Variants in CNTNAP2 observed in about 807,000 individuals in gnomAD.
The protein encoded by CNTNAP2 is contactin-associated protein-like 2.
Under a neutral mutation model 155.2 loss-of-function variants are expected in CNTNAP2, and 98 were observed. The ratio of observed to expected loss-of-function variants is 0.63; its 90% confidence interval spans 0.54 to 0.75. The LOEUF (loss-of-function observed/expected upper bound fraction) is 0.75, where lower values mean the gene tolerates loss of function less well. CNTNAP2 is among the 30% of genes least tolerant of loss of function. The pLI, the probability that CNTNAP2 is intolerant of heterozygous loss-of-function variation, is 0.00. For missense variants in CNTNAP2, 1,727 were observed against 1,688.1 expected, an observed-to-expected ratio of 1.02 and a Z score of -0.40; for synonymous variants, 651 against 631.2, an observed-to-expected ratio of 1.03 and a Z score of -0.47.
chr7:147,345,767 T>C (rs1370696150), intron 9 of CNTNAP2, among the ~76,000 whole-genome samples: 1 of 152,220 alleles, frequency 6.6e-6, no homozygotes, highest in Non-Finnish European at 1.5e-5. Context: ...AGGAACTATA[T>C]TCAGATTATT....
In CNTNAP2 at chr7:147,395,591, A is replaced by G. The variant is rs765446694; in HGVS notation, c.1499-18A>G. 2 of 1,610,750 alleles carry G rather than the reference A, an allele frequency of 1.2e-6. No homozygotes were observed. Among genetic ancestry groups the G allele is most frequent in the Middle Eastern group, 1.7e-4 (1 of 6,030 alleles). ...TACTGTACACCAGATTTACATTCCC[A>G]TTTCTTCTGTTTCACAGGTTTTCTG... On this transcript the variant is annotated intron_variant, in intron 9 of 23. Coordinates refer to ENST00000361727, the MANE Select transcript of CNTNAP2 (RefSeq NM_014141.6).
intron 8 of CNTNAP2, among the ~76,000 whole-genome samples, chr7:147,295,239 ATGCGTGTGTACCCATG>A (rs1290873694): frequency 6.7e-6 from 1 of 150,260 alleles, no homozygotes; most frequent in Admixed American, 6.7e-5. Flanking sequence ...GTGTGTGCGC[ATGCGTGTGTACCCATG>A]TGTGTGTGTG....
intron 1 of CNTNAP2, among the ~76,000 whole-genome samples, chr7:146,636,156 T>G (rs1011131447): frequency 2.2e-5 from 3 of 133,436 alleles, no homozygotes; most frequent in African/African-American, 2.9e-5. Flanking sequence ...AGGGGAGAGG[T>G]GGACTACAGC....
At chr7:146,579,800 CAT>C (rs1798583204) in intron 1 of CNTNAP2, among the ~76,000 whole-genome samples, 1 of 152,102 alleles carries the variant, frequency 6.6e-6, no homozygotes, top group Non-Finnish European at 1.5e-5. Context: ...GCCTCAGTGT[CAT>C]ATAATGTAAA....
intron 22 of CNTNAP2, chr7:148,389,708 A>AG (rs1448181044): frequency 6.6e-6 from 1 of 151,936 alleles, no homozygotes; most frequent in Non-Finnish European, 1.5e-5. Context: ...GAACATGTGG[A>AG]GCACCGGAAA....
intron 15 of CNTNAP2, among the ~76,000 whole-genome samples, chr7:148,015,052 A>G (rs1802151023): frequency 1.4e-5 from 2 of 139,046 alleles, no homozygotes; most frequent in East Asian, 6.1e-4. Context: ...ATAAGCCCAC[A>G]TAGCATGTTT....
intron 10 of CNTNAP2, among the ~76,000 whole-genome samples, chr7:147,421,785 A>G (rs1221088325): frequency 1.3e-5 from 2 of 151,960 alleles, no homozygotes; most frequent in Non-Finnish European, 2.9e-5. Flanking sequence ...TCCCTTGGTA[A>G]TGAATGAGCT....
intron 21 of CNTNAP2, among the ~76,000 whole-genome samples, chr7:148,356,911 A>AAC (rs996603056): frequency 7.9e-5 from 12 of 151,028 alleles, no homozygotes; most frequent in African/African-American, 2.7e-4. Context: ...AAAAAAACAA[A>AAC]AAAAAAAACC....
At chr7:147,282,556 T>C (rs1042944357) in intron 8 of CNTNAP2, among the ~76,000 whole-genome samples, 3 of 151,762 alleles carry the variant, frequency 2.0e-5, no homozygotes, top group African/African-American at 4.8e-5. Context: ...AGATGGTGAA[T>C]TTAAGAAGAA....
At chr7:147,456,153 C>G (rs118154701) in intron 10 of CNTNAP2, among the ~76,000 whole-genome samples, 86 of 152,280 alleles carry the variant, frequency 5.6e-4, no homozygotes, top group Admixed American at 2.8e-3. Flanking sequence ...TAGCCAGCAT[C>G]TTCCTTAAAG....
intron 15 of CNTNAP2, among the ~76,000 whole-genome samples, chr7:148,102,606 C>T (rs74732641): frequency 0.028 from 4,218 of 152,308 alleles, 83 homozygotes; most frequent in Non-Finnish European, 0.039. Flanking sequence ...ATTGTAATAA[C>T]TTATTTAATA....
At chr7:147,177,368 C>T (rs1392858090) in intron 8 of CNTNAP2, among the ~76,000 whole-genome samples, 1 of 152,058 alleles carries the variant, frequency 6.6e-6, no homozygotes. Flanking sequence ...TTGTAAGGGG[C>T]TTCCCCTCTT....
chr7:147,822,630 T>C (rs2116623722), intron 13 of CNTNAP2, among the ~76,000 whole-genome samples: 1 of 152,286 alleles, frequency 6.6e-6, no homozygotes, highest in African/African-American at 2.4e-5. Context: ...CCACCTCAGC[T>C]GTGTTAACTG....
chr7:148,408,364 C>A (rs943966068), intron 22 of CNTNAP2, among the ~76,000 whole-genome samples: 1 of 152,114 alleles, frequency 6.6e-6, no homozygotes. Flanking sequence ...GCCATATTTC[C>A]AAGAGAAGAG....
At chr7:147,077,000 A>G (rs1225760968) in intron 4 of CNTNAP2, among the ~76,000 whole-genome samples, 1 of 152,174 alleles carries the variant, frequency 6.6e-6, no homozygotes, top group Non-Finnish European at 1.5e-5. Flanking sequence ...TTTAAAACAC[A>G]ACTGCTTCGT....
At chr7:148,338,876 A>G (rs1798171062) in intron 21 of CNTNAP2, among the ~76,000 whole-genome samples, 1 of 152,168 alleles carries the variant, frequency 6.6e-6, no homozygotes, top group South Asian at 2.1e-4. Context: ...AGAAAAAACC[A>G]CCATCAGAAA....
chr7:146,905,642 A>C (rs1334261056), intron 3 of CNTNAP2, among the ~76,000 whole-genome samples: 1 of 152,196 alleles, frequency 6.6e-6, no homozygotes, highest in Non-Finnish European at 1.5e-5. Context: ...CAGTCAAACA[A>C]CTTTTCTTTG....
At chr7:146,500,638 C>CGTGT (rs1797287207) in intron 1 of CNTNAP2, among the ~76,000 whole-genome samples, 1 of 152,114 alleles carries the variant, frequency 6.6e-6, no homozygotes, top group African/African-American at 2.4e-5. Context: ...TATCCAAAGA[C>CGTGT]GTGTCTGTGA....
At chr7:146,233,756 A>T (rs1799425187) in intron 1 of CNTNAP2, among the ~76,000 whole-genome samples, 1 of 151,784 alleles carries the variant, frequency 6.6e-6, no homozygotes, top group Admixed American at 6.6e-5. Context: ...GAGAATGATG[A>T]TTTCCAATTT....
Sources: gnomAD v4.1 joint callset for allele counts (sites outside exome capture counted in the v4.1 genomes callset) on GRCh38, gnomAD v4.1.1 for gene constraint, MANE v1.5 for transcripts, NCBI Gene and HGNC (gene_info 2026-07-23, HGNC 2026-07-21) for gene names.